ZMYM4: variants seen among roughly 807,000 people sequenced by gnomAD.
ZMYM4 encodes the protein zinc finger MYM-type containing 4.
In ZMYM4, 31 loss-of-function variants were observed where a neutral mutation model predicts 183.2. That is an observed-to-expected ratio of 0.17 (90% CI 0.13 to 0.23). ZMYM4 has a LOEUF of 0.23. ZMYM4 is among the 10% of genes least tolerant of loss of function. The pLI, the probability that ZMYM4 is intolerant of heterozygous loss-of-function variation, is 1.00. For synonymous variants in ZMYM4, 592 were observed against 631.2 expected, an observed-to-expected ratio of 0.94 and a Z score of 0.93; for missense variants, 1,273 against 1,840.3, an observed-to-expected ratio of 0.69 and a Z score of 5.64.
chr1:35,370,363 T>G lies in ZMYM4; in HGVS notation c.926-9T>G. 1 of 1,394,678 alleles carries G rather than the reference T, an allele frequency of 7.2e-7. No homozygotes were observed. The highest frequency in any genetic ancestry group is 1.7e-5 in the South Asian group (1 of 57,468). The allele number at this position is 1,394,678 out of a possible 1,614,324, so 86.4% of individuals were successfully genotyped here. A position where few individuals can be genotyped will look rare whatever the true frequency, so the allele number is the denominator to read the frequency against. ...ATTTTTTTTTTTTTTTTTTTTTTTTTTTTTAAAGCTCCACAGTTGACTACT... is the reference window on the plus strand; with the variant it reads ...ATTTTTTTTTTTTTTTTTTTTTTTTGTTTTAAAGCTCCACAGTTGACTACT... On this transcript the variant is annotated splice_polypyrimidine_tract_variant and intron_variant, in intron 6 of 29. Coordinates refer to ENST00000314607, the MANE Select transcript of ZMYM4 (RefSeq NM_005095.3).
At chr1:35,374,309 C>T (rs1178900382) in intron 7 of ZMYM4, among the ~76,000 whole-genome samples, 1 of 152,076 alleles carries the variant, frequency 6.6e-6, no homozygotes, top group Non-Finnish European at 1.5e-5. Flanking sequence ...GCTGGGATTA[C>T]AGGCATGAGC....
At chr1:35,317,203 C>G (rs1355881741) in intron 1 of ZMYM4, among the ~76,000 whole-genome samples, 1 of 151,718 alleles carries the variant, frequency 6.6e-6, no homozygotes, top group Non-Finnish European at 1.5e-5. Context: ...GAGGCCGAGG[C>G]AGGTGGATCG....
chr1:35,311,422 C>CA (rs200102940), intron 1 of ZMYM4, among the ~76,000 whole-genome samples: 3,827 of 78,348 alleles, frequency 0.049, 156 homozygotes, highest in African/African-American at 0.14. Flanking sequence ...AACTCTGTCT[C>CA]AAAAAAAAAA....
At chr1:35,295,391 A>T (rs1640956421) in intron 1 of ZMYM4, among the ~76,000 whole-genome samples, 1 of 152,222 alleles carries the variant, frequency 6.6e-6, no homozygotes, top group African/African-American at 2.4e-5. Context: ...GAGGCAGCAT[A>T]GAGGCAGTAG....
At chr1:35,340,598 C>T (rs1032078558) in intron 2 of ZMYM4, among the ~76,000 whole-genome samples, 1 of 151,756 alleles carries the variant, frequency 6.6e-6, no homozygotes, top group Non-Finnish European at 1.5e-5. Flanking sequence ...CAACCTAGAT[C>T]CCTCACATGC....
chr1:35,319,207 G>A (rs1255793892), intron 1 of ZMYM4, among the ~76,000 whole-genome samples: 1 of 152,150 alleles, frequency 6.6e-6, no homozygotes, highest in Non-Finnish European at 1.5e-5. Context: ...AACGTTTCAA[G>A]TGTTTTGACA....
In ZMYM4 at chr1:35,414,097, T is replaced by C. The variant is rs764233675; in HGVS notation, c.4060+14T>C. 34 of 1,405,622 alleles carry C rather than the reference T, an allele frequency of 2.4e-5. No homozygotes were observed. Among genetic ancestry groups the C allele is most frequent in the Non-Finnish European group, 3.2e-5 (33 of 1,018,068 alleles). The allele number at this position is 1,405,622 out of a possible 1,614,324, so 87.1% of individuals were successfully genotyped here. On this transcript the variant is annotated intron_variant, in intron 27 of 29. Coordinates refer to ENST00000314607, the MANE Select transcript of ZMYM4 (RefSeq NM_005095.3). Reference sequence around the variant, plus strand: ...TACTTCCTAATGGTAGGGTGATTTTTTTTTTATTGTTTTCATGATATGCTT... The same window carrying C: ...TACTTCCTAATGGTAGGGTGATTTTCTTTTTATTGTTTTCATGATATGCTT...
In ZMYM4 at chr1:35,415,275, C is replaced by T. The variant is rs553231099; in HGVS notation, c.4061-191C>T. On this transcript the variant is annotated intron_variant, in intron 27 of 29. Transcript: ENST00000314607. Reference sequence around the variant, plus strand: ...AAACGGTTTCAGGAGACTCCACGAACGGTGTCTACTTGAGTGGAATCATCT... The same window carrying T: ...AAACGGTTTCAGGAGACTCCACGAATGGTGTCTACTTGAGTGGAATCATCT... Among the ~76,000 whole-genome samples, 18 of 152,240 alleles carry T rather than the reference C, an allele frequency of 1.2e-4. 1 individual carries two copies. The highest frequency in any genetic ancestry group is 3.9e-4 in the African/African-American group (16 of 41,546).
chr1:35,324,920 C>T (rs1398708694), intron 1 of ZMYM4, among the ~76,000 whole-genome samples: 1 of 152,032 alleles, frequency 6.6e-6, no homozygotes, highest in Non-Finnish European at 1.5e-5. Flanking sequence ...TATAACAGGC[C>T]TCACTTTCAA....
In ZMYM4 at chr1:35,393,529, A is replaced by G. The variant is rs1558158341; in HGVS notation, c.2767-66A>G. 7 of 1,383,976 alleles carry G rather than the reference A, an allele frequency of 5.1e-6. No homozygotes were observed. In the Admixed American group the frequency reaches 1.8e-4, roughly 36 times the overall value. 85.7% of individuals were successfully genotyped at this position (1,383,976 alleles called of 1,614,324 possible). A position where few individuals can be genotyped will look rare whatever the true frequency, so the allele number is the denominator to read the frequency against. ...ATATGACATTTCCTTTAATATTATA[A>G]TATTTCTTATAATTACAATGAGATT... On this transcript the variant is annotated intron_variant, in intron 17 of 29. Coordinates refer to ENST00000314607, the MANE Select transcript of ZMYM4 (RefSeq NM_005095.3).
intron 1 of ZMYM4, among the ~76,000 whole-genome samples, chr1:35,303,061 G>A (rs1641362138): frequency 6.7e-6 from 1 of 150,186 alleles, no homozygotes; most frequent in Non-Finnish European, 1.5e-5. Context: ...GATCACTTGA[G>A]TCTAGGAGTT....
chr1:35,375,873 C>A (rs1018049898), intron 7 of ZMYM4, among the ~76,000 whole-genome samples: 1 of 152,124 alleles, frequency 6.6e-6, no homozygotes, highest in South Asian at 2.1e-4. Flanking sequence ...CCCAGGATTT[C>A]GAGACCAGCC....
chr1:35,325,063 T>C (rs950484188), intron 1 of ZMYM4, among the ~76,000 whole-genome samples: 19 of 152,156 alleles, frequency 1.2e-4, no homozygotes, highest in African/African-American at 4.3e-4. Context: ...TGTTTACTGT[T>C]ATTAAAATAT....
At chr1:35,400,097 C>G (rs1233670050) in intron 23 of ZMYM4, 1 of 121,210 alleles carries the variant, frequency 8.3e-6, no homozygotes, top group African/African-American at 3.3e-5. Flanking sequence ...GAGCTGAGAT[C>G]AGGCCACTAC....
At chr1:35,339,552 G>C (rs1643120164) in intron 2 of ZMYM4, among the ~76,000 whole-genome samples, 1 of 152,128 alleles carries the variant, frequency 6.6e-6, no homozygotes, top group Non-Finnish European at 1.5e-5. Flanking sequence ...GTAACCTAGA[G>C]ATGAATTAAA....
chr1:35,351,382 A>T, intron 2 of ZMYM4: 1 of 1,574,170 alleles, frequency 6.4e-7, no homozygotes, highest in Non-Finnish European at 8.7e-7. Flanking sequence ...TACAAGAAAC[A>T]GTTCTCTCAA....
chr1:35,325,978 C>CT (rs1642485906), intron 2 of ZMYM4, among the ~76,000 whole-genome samples: 1 of 152,018 alleles, frequency 6.6e-6, no homozygotes, highest in Admixed American at 6.6e-5. Context: ...ACTGTTCTTG[C>CT]TTTTTTTCAT....
chr1:35,329,597 T>G (rs1002357146), intron 2 of ZMYM4, among the ~76,000 whole-genome samples: 1 of 152,242 alleles, frequency 6.6e-6, no homozygotes, highest in African/African-American at 2.4e-5. Flanking sequence ...GTAAGAGCAT[T>G]GCCGATTTGT....
At chr1:35,397,309 C>T in intron 19 of ZMYM4, 68 bp from the exon 20 acceptor site, 2 of 1,411,836 alleles carry the variant, frequency 1.4e-6, no homozygotes, top group South Asian at 1.8e-5. Flanking sequence ...TAAATCATCT[C>T]ACAAATCATA....
Sources: gnomAD v4.1 joint callset for allele counts (sites outside exome capture counted in the v4.1 genomes callset) on GRCh38, gnomAD v4.1.1 for gene constraint, MANE v1.5 for transcripts, NCBI Gene and HGNC (gene_info 2026-07-23, HGNC 2026-07-21) for gene names.